The following CNTNAP2 variants were observed in gnomAD, a reference collection of about 807,000 sequenced individuals.
CNTNAP2 encodes the protein contactin-associated protein-like 2.
Under a neutral mutation model 155.2 loss-of-function variants are expected in CNTNAP2, and 98 were observed. The observed-to-expected ratio is 0.63, with a 90% confidence interval of 0.54 to 0.75. The LOEUF (loss-of-function observed/expected upper bound fraction) is 0.75, where lower values mean the gene tolerates loss of function less well. Ranked by LOEUF, CNTNAP2 falls within the 30% of genes least tolerant of loss-of-function variation. CNTNAP2 has a pLI of 0.00. For missense variants in CNTNAP2, 1,727 were observed against 1,688.1 expected (o/e 1.02, Z -0.40); for synonymous variants, 651 against 631.2 (o/e 1.03, Z -0.47).
At chr7:147,604,296 A>G (rs1801016207) in intron 12 of CNTNAP2, among the ~76,000 whole-genome samples, 1 of 151,958 alleles carries the variant, frequency 6.6e-6, no homozygotes, top group Admixed American at 6.6e-5. Context: ...AACCTACAAA[A>G]TGGGAGAAAA....
Position 146,483,285 on chromosome 7 carries a change from ATATATATATATATATATAT to A in CNTNAP2, c.98-290985_98-290967del, listed in dbSNP as rs1584945886. On this transcript the variant is annotated intron_variant, in intron 1 of 23. Transcript: ENST00000361727. ...AGCAAGACTCCGTCTAAAAAAAAATATATATATATATATATATATATATATATATATATATATATATATA... is the reference window on the plus strand; with the variant it reads ...AGCAAGACTCCGTCTAAAAAAAAATAATATATATATATATATATATATATA... 1.6e-3 allele frequency among the ~76,000 whole-genome samples: 75 copies of A among 47,220 alleles called. 4 individuals carry two copies. The highest frequency in any genetic ancestry group is 5.4e-3 in the South Asian group (8 of 1,494). The allele number at this position is 47,220 out of a possible 152,430, so 31.0% of individuals were successfully genotyped here. A position where few individuals can be genotyped will look rare whatever the true frequency, so the allele number is the denominator to read the frequency against.
intron 4 of CNTNAP2, among the ~76,000 whole-genome samples, chr7:147,091,611 C>T (rs145276699): frequency 0.014 from 1,757 of 125,160 alleles, 8 homozygotes; most frequent in Non-Finnish European, 0.021. Context: ...ACCACCACAC[C>T]CAGCTAATTT....
At chr7:147,135,287 G>C (rs1801455786) in intron 8 of CNTNAP2, among the ~76,000 whole-genome samples, 1 of 151,760 alleles carries the variant, frequency 6.6e-6, no homozygotes, top group African/African-American at 2.4e-5. Context: ...AATTTACAGA[G>C]TGGATTATCT....
At chr7:147,510,957 T>C (rs1053335869) in intron 11 of CNTNAP2, among the ~76,000 whole-genome samples, 1 of 149,712 alleles carries the variant, frequency 6.7e-6, no homozygotes, top group Non-Finnish European at 1.5e-5. Flanking sequence ...TATGTCTATA[T>C]GGTTTTTTGC....
At chr7:147,645,066 A>G (rs899876597) in intron 13 of CNTNAP2, among the ~76,000 whole-genome samples, 1 of 152,096 alleles carries the variant, frequency 6.6e-6, no homozygotes, top group African/African-American at 2.4e-5. Flanking sequence ...TATAAATTAT[A>G]TATATTTTTG....
chr7:147,061,994 G>A (rs1799686503), intron 4 of CNTNAP2, among the ~76,000 whole-genome samples: 1 of 151,438 alleles, frequency 6.6e-6, no homozygotes, highest in African/African-American at 2.4e-5. Context: ...CAGGCGTGGT[G>A]GCGGGCGCCT....
intron 2 of CNTNAP2, among the ~76,000 whole-genome samples, chr7:146,783,580 T>C (rs1434629087): frequency 6.6e-6 from 1 of 152,250 alleles, no homozygotes; most frequent in African/African-American, 2.4e-5. Context: ...ACATTTTGTT[T>C]GGGCATACCT....
chr7:148,374,785 C>CG (rs1457983944), intron 21 of CNTNAP2, among the ~76,000 whole-genome samples: 1 of 152,172 alleles, frequency 6.6e-6, no homozygotes, highest in Non-Finnish European at 1.5e-5. Flanking sequence ...AAACTCAGGA[C>CG]GCACATTAGT....
intron 1 of CNTNAP2, among the ~76,000 whole-genome samples, chr7:146,601,262 T>C (rs1159463706): frequency 6.6e-6 from 1 of 152,116 alleles, no homozygotes; most frequent in Non-Finnish European, 1.5e-5. Flanking sequence ...AATTGCTATC[T>C]CATGTGGCAG....
At chr7:148,300,658 A>C (rs530509072) in intron 21 of CNTNAP2, among the ~76,000 whole-genome samples, 2 of 152,198 alleles carry the variant, frequency 1.3e-5, no homozygotes, top group African/African-American at 2.4e-5. Flanking sequence ...CAATAGCAAA[A>C]AGGTGGAAAG....
intron 10 of CNTNAP2, among the ~76,000 whole-genome samples, chr7:147,467,450 C>T (rs760390859): frequency 2.0e-5 from 3 of 151,972 alleles, no homozygotes; most frequent in Non-Finnish European, 4.4e-5. Flanking sequence ...AATCAAATAC[C>T]ACATGAACTC....
chr7:147,194,671 A>G (rs947898372), intron 8 of CNTNAP2, among the ~76,000 whole-genome samples: 3 of 152,228 alleles, frequency 2.0e-5, no homozygotes. Context: ...TTCTCTGATG[A>G]TCAGTGACGT....
chr7:148,255,231 C>T (rs1034184685), intron 20 of CNTNAP2, among the ~76,000 whole-genome samples: 1 of 152,110 alleles, frequency 6.6e-6, no homozygotes, highest in South Asian at 2.1e-4. Flanking sequence ...ATTTGCAAGT[C>T]AAAGTCACAA....
intron 14 of CNTNAP2, among the ~76,000 whole-genome samples, chr7:147,976,538 T>TA (rs1801428522): frequency 6.6e-6 from 1 of 152,226 alleles, no homozygotes; most frequent in Admixed American, 6.5e-5. Context: ...AATTATTTTT[T>TA]AAAAACCCTT....
At chr7:146,473,447 A>G (rs1335425645) in intron 1 of CNTNAP2, among the ~76,000 whole-genome samples, 1 of 152,032 alleles carries the variant, frequency 6.6e-6, no homozygotes, top group East Asian at 1.9e-4. Flanking sequence ...TACTATAAAA[A>G]CTTCAAAACA....
chr7:147,632,101 G>A lies in CNTNAP2; in HGVS notation c.1898-7005G>A, dbSNP rs147003731. Among the ~76,000 whole-genome samples the A allele has an allele frequency of 3.6e-3, 542 of 152,034 alleles. 3 individuals are homozygous for A. Among genetic ancestry groups the A allele is most frequent in the African/African-American group, 0.011 (475 of 41,492 alleles). On this transcript the variant is annotated intron_variant, in intron 12 of 23. Coordinates refer to ENST00000361727, the MANE Select transcript of CNTNAP2 (RefSeq NM_014141.6). ...TGTAGGTGACAAAGCACTAATATCC[G>A]GAATCCACAAGAAACTCAAACAAAT... is the stretch of plus-strand genomic sequence containing the variant.
intron 13 of CNTNAP2, among the ~76,000 whole-genome samples, chr7:147,875,176 C>T (rs1799402337): frequency 6.6e-6 from 1 of 152,154 alleles, no homozygotes. Context: ...TTTCCCGGTA[C>T]CAATTTACTG....
chr7:146,973,552 A>G (rs535737278), intron 3 of CNTNAP2, among the ~76,000 whole-genome samples: 7 of 152,374 alleles, frequency 4.6e-5, no homozygotes, highest in Admixed American at 1.3e-4. Flanking sequence ...ATTAAAAACC[A>G]TTAGGATAAT....
chr7:147,562,003 G>A (rs566679809), intron 11 of CNTNAP2, 135 bp from the exon 12 acceptor site: 8 of 1,167,968 alleles, frequency 6.8e-6, no homozygotes, highest in African/African-American at 4.6e-5. Context: ...TAAATTTAGA[G>A]ACAAAGAACG....
Sources: allele counts gnomAD v4.1 joint callset (sites outside exome capture counted in the v4.1 genomes callset), GRCh38; gene constraint gnomAD v4.1.1; transcripts MANE v1.5; gene names NCBI Gene and HGNC (gene_info 2026-07-23, HGNC 2026-07-21).